Variants in SLMAP observed in about 807,000 individuals in gnomAD.
SLMAP encodes the protein sarcolemmal membrane-associated protein.
SLMAP carries 44 observed loss-of-function variants against 128.8 expected under a neutral mutation model. That is an observed-to-expected ratio of 0.34 (90% CI 0.27 to 0.44). The LOEUF (loss-of-function observed/expected upper bound fraction) is 0.44. Among genes scored for constraint, SLMAP ranks in the 20% least tolerant of loss-of-function variants. SLMAP has a pLI of 1.00. For missense variants in SLMAP, 787 were observed against 985.3 expected (o/e 0.80, Z 2.69); for synonymous variants, 327 against 348.8 (o/e 0.94, Z 0.70).
intron 24 of SLMAP, 50 bp from the exon 25 acceptor site, chr3:57,927,246 G>A: frequency 8.0e-7 from 1 of 1,256,068 alleles, no homozygotes; most frequent in Non-Finnish European, 1.1e-6. Flanking sequence ...TAATAGGTAT[G>A]AAAAGAGAGG....
intron 6 of SLMAP, among the ~76,000 whole-genome samples, chr3:57,851,128 C>A (rs2094483409): frequency 6.6e-6 from 1 of 152,102 alleles, no homozygotes; most frequent in Non-Finnish European, 1.5e-5. Flanking sequence ...AACTGAGAGG[C>A]AGGAAGATTT....
At chr3:57,819,195 C>G (rs2092259707) in intron 2 of SLMAP, among the ~76,000 whole-genome samples, 1 of 152,130 alleles carries the variant, frequency 6.6e-6, no homozygotes, top group Admixed American at 6.5e-5. Context: ...CTGTGGATGT[C>G]TAAATTTTCA....
intron 2 of SLMAP, among the ~76,000 whole-genome samples, chr3:57,792,801 G>C (rs915114154): frequency 5.3e-5 from 8 of 151,996 alleles, no homozygotes; most frequent in Non-Finnish European, 1.2e-4. Context: ...TTAAAGAAAT[G>C]TAAAAAGTCT....
chr3:57,911,593 T>A (rs1041761407), intron 19 of SLMAP, among the ~76,000 whole-genome samples: 1 of 152,174 alleles, frequency 6.6e-6, no homozygotes, highest in African/African-American at 2.4e-5. Flanking sequence ...TAATTCTTGA[T>A]TGTTTACTGT....
intron 2 of SLMAP, among the ~76,000 whole-genome samples, chr3:57,828,239 G>A (rs1249294559): frequency 6.6e-6 from 1 of 152,166 alleles, no homozygotes; most frequent in Non-Finnish European, 1.5e-5. Flanking sequence ...GATTACAAAC[G>A]TAGGCCATCA....
At chr3:57,887,322 T>C (rs2095919026) in intron 14 of SLMAP, among the ~76,000 whole-genome samples, 1 of 151,716 alleles carries the variant, frequency 6.6e-6, no homozygotes, top group Non-Finnish European at 1.5e-5. Context: ...CTCCGCTTCC[T>C]GGGTTCAAAC....
At chr3:57,761,296 T>C (rs1164676717) in intron 2 of SLMAP, among the ~76,000 whole-genome samples, 1 of 151,836 alleles carries the variant, frequency 6.6e-6, no homozygotes, top group East Asian at 2.0e-4. Flanking sequence ...GTTTTTGTTT[T>C]TGTTTTTTGT....
At chr3:57,909,011 G>A (rs2096630552) in intron 18 of SLMAP, 65 bp from the exon 19 acceptor site, 1 of 1,139,724 alleles carries the variant, frequency 8.8e-7, no homozygotes, top group Non-Finnish European at 1.3e-6. Flanking sequence ...ATTTTCAGCT[G>A]CTCAACTCTG....
At chr3:57,794,539 C>T (rs1002855591) in intron 2 of SLMAP, among the ~76,000 whole-genome samples, 2 of 152,122 alleles carry the variant, frequency 1.3e-5, no homozygotes, top group Non-Finnish European at 2.9e-5. Flanking sequence ...AATTCTAGAA[C>T]ATTTTCATCA....
intron 19 of SLMAP, among the ~76,000 whole-genome samples, chr3:57,909,913 ATTT>A (rs202241053): frequency 6.9e-6 from 1 of 144,432 alleles, no homozygotes; most frequent in Admixed American, 6.9e-5. Context: ...CGCCTGGCCT[ATTT>A]TTTTTTTTTT....
chr3:57,902,534 G>C (rs2096412560), intron 17 of SLMAP, among the ~76,000 whole-genome samples: 1 of 152,134 alleles, frequency 6.6e-6, no homozygotes, highest in Non-Finnish European at 1.5e-5. Context: ...GTGGATAGAG[G>C]CTACAGGTAA....
At chr3:57,809,467 G>A (rs911555033) in intron 2 of SLMAP, among the ~76,000 whole-genome samples, 1 of 152,188 alleles carries the variant, frequency 6.6e-6, no homozygotes, top group African/African-American at 2.4e-5. Context: ...AACATAGGAA[G>A]GAAGCCAATG....
At chr3:57,786,354 A>C (rs1039622787) in intron 2 of SLMAP, among the ~76,000 whole-genome samples, 14 of 152,308 alleles carry the variant, frequency 9.2e-5, no homozygotes, top group African/African-American at 2.2e-4. Context: ...GAACCATGGA[A>C]TTATAGTTAA....
chr3:57,908,342 C>T (rs1488971941), intron 18 of SLMAP, among the ~76,000 whole-genome samples: 1 of 152,186 alleles, frequency 6.6e-6, no homozygotes, highest in Non-Finnish European at 1.5e-5. Context: ...ATGTCCTGGC[C>T]ACATTCTTTT....
intron 19 of SLMAP, among the ~76,000 whole-genome samples, chr3:57,909,570 C>G (rs2096645299): frequency 6.6e-6 from 1 of 150,698 alleles, no homozygotes; most frequent in Non-Finnish European, 1.5e-5. Flanking sequence ...GGCTTTGATT[C>G]TCTAGAACCT....
chr3:57,757,921 C>G, intron 2 of SLMAP, 72 bp downstream of exon 2: 1 of 1,314,488 alleles, frequency 7.6e-7, no homozygotes, highest in South Asian at 1.2e-5. Context: ...CCTGAGAGGA[C>G]TAATGTATGC....
Position 57,864,276 on chromosome 3 carries a change from G to A in SLMAP, c.967-272G>A, listed in dbSNP as rs571500754. On this transcript the variant is annotated intron_variant, in intron 10 of 24. Coordinates refer to ENST00000671191, the MANE Select transcript of SLMAP (RefSeq NM_001377540.1). ...TACAAAATTAGCTGGGTATGGTGGC[G>A]CATGCCTGTAATCCCAGCTACTTGG... is the stretch of plus-strand genomic sequence containing the variant. Among the ~76,000 whole-genome samples the A allele has an allele frequency of 1.3e-4, 20 of 152,048 alleles. 1 individual carries two copies. The East Asian group carries it at 2.9e-3, about 22-fold the overall frequency.
chr3:57,824,004 T>C (rs1415953638), intron 2 of SLMAP, among the ~76,000 whole-genome samples: 1 of 152,100 alleles, frequency 6.6e-6, no homozygotes, highest in African/African-American at 2.4e-5. Context: ...GTCTTTTGGC[T>C]GCATTAAAAA....
chr3:57,760,341 G>A (rs1414874182), intron 2 of SLMAP, among the ~76,000 whole-genome samples: 4 of 152,112 alleles, frequency 2.6e-5, no homozygotes, highest in Non-Finnish European at 5.9e-5. Context: ...AAAATAACAC[G>A]CAGGCTATGA....
Sources: allele counts gnomAD v4.1 joint callset (sites outside exome capture counted in the v4.1 genomes callset), GRCh38; gene constraint gnomAD v4.1.1; transcripts MANE v1.5; gene names NCBI Gene and HGNC (gene_info 2026-07-23, HGNC 2026-07-21).